The following EBF2 variants were observed in gnomAD, a reference collection of about 807,000 sequenced individuals.
EBF2 encodes transcription factor COE2.
A neutral mutation model predicts 72.8 loss-of-function variants in EBF2; 21 were observed. That is an observed-to-expected ratio of 0.29 (90% CI 0.20 to 0.42). The LOEUF is 0.42. EBF2 is among the 10% of genes least tolerant of loss of function. EBF2 has a pLI of 1.00. For synonymous variants in EBF2, 299 were observed against 274.2 expected, an observed-to-expected ratio of 1.09 and a Z score of -0.89; for missense variants, 637 against 731.2, an observed-to-expected ratio of 0.87 and a Z score of 1.49.
At chr8:25,942,450 T>C (rs572279343) in intron 6 of EBF2, among the ~76,000 whole-genome samples, 1 of 152,318 alleles carries the variant, frequency 6.6e-6, no homozygotes, top group Admixed American at 6.5e-5. Context: ...CCACCAGTAC[T>C]TGGGATTTTC....
intron 6 of EBF2, among the ~76,000 whole-genome samples, chr8:25,997,635 TA>T (rs1370113397): frequency 1.3e-5 from 2 of 151,346 alleles, no homozygotes; most frequent in African/African-American, 2.4e-5. Context: ...ACATGGAGTA[TA>T]ACAGAAAGAA....
chr8:25,989,333 C>G (rs1416520757), intron 6 of EBF2, among the ~76,000 whole-genome samples: 1 of 152,146 alleles, frequency 6.6e-6, no homozygotes, highest in African/African-American at 2.4e-5. Flanking sequence ...TTCACCATCT[C>G]CCATGTGACA....
chr8:25,914,710 CTTCT>C (rs1803182170), intron 6 of EBF2, among the ~76,000 whole-genome samples: 1 of 152,180 alleles, frequency 6.6e-6, no homozygotes, highest in Admixed American at 6.5e-5. Flanking sequence ...GACTTACTGG[CTTCT>C]TTAGGCTTAA....
chr8:26,022,951 G>C (rs1028394963), intron 6 of EBF2, among the ~76,000 whole-genome samples: 7 of 152,182 alleles, frequency 4.6e-5, no homozygotes, highest in Non-Finnish European at 8.8e-5. Flanking sequence ...CAGCAACAAA[G>C]AACAATTCTT....
chr8:25,976,282 G>A lies in EBF2; in HGVS notation c.551+56803C>T, dbSNP rs529192193. Among the ~76,000 whole-genome samples, 5 of 152,248 alleles carry A rather than the reference G, an allele frequency of 3.3e-5. No homozygotes were observed. In the South Asian group the frequency reaches 1.0e-3, roughly 32 times the overall value. On this transcript the variant is annotated intron_variant, in intron 6 of 15. Transcript: ENST00000520164. ...AGTCTTTTTCCATGTTCTTTCACAT[G>A]CTGTAATGGAGATCCGTAAAATTTT...
chr8:25,943,312 A>AAAAG (rs757397254), intron 6 of EBF2, among the ~76,000 whole-genome samples: 3 of 75,994 alleles, frequency 3.9e-5, no homozygotes, highest in Non-Finnish European at 5.4e-5. Context: ...GTCTCTACAC[A>AAAAG]AAAAAAAAAA....
At chr8:25,990,044 G>A (rs575166237) in intron 6 of EBF2, among the ~76,000 whole-genome samples, 1 of 152,252 alleles carries the variant, frequency 6.6e-6, no homozygotes, top group East Asian at 1.9e-4. Context: ...GGAAACCTGA[G>A]ATCAGGAAGC....
rs1157034461 is a variant in EBF2 at position 25,858,440 on chromosome 8, C to G, written c.1407G>C (p.Gln469His). ...TGTTGCTGGAGGTACTGTAATTAGACTGTTGAGGCGTGGAGCTGGAAGAGT... is the reference window on the plus strand; with the variant it reads ...TGTTGCTGGAGGTACTGTAATTAGAGTGTTGAGGCGTGGAGCTGGAAGAGT... ...RGYSSSSTPQ[Q>H]SNYSTSSNSM... Residue 469 changes from glutamine to histidine, a missense_variant, in exon 14 of 16, where the codon CAG becomes CAC. Transcript: ENST00000520164. 1 of 1,614,074 alleles carries G rather than the reference C, an allele frequency of 6.2e-7. No homozygotes were observed. The highest frequency in any genetic ancestry group is 2.2e-5 in the East Asian group (1 of 44,872).
intron 6 of EBF2, among the ~76,000 whole-genome samples, chr8:25,917,196 G>A (rs1381931774): frequency 9.8e-6 from 1 of 102,484 alleles, no homozygotes. Flanking sequence ...TTTGTGGTTT[G>A]GGGTTTTTTT....
chr8:25,917,742 C>A (rs549548562), intron 6 of EBF2, among the ~76,000 whole-genome samples: 1 of 152,104 alleles, frequency 6.6e-6, no homozygotes, highest in Non-Finnish European at 1.5e-5. Context: ...TTCCTCAGCA[C>A]CCCTTCCCCA....
At chr8:25,921,627 T>C (rs907671597) in intron 6 of EBF2, among the ~76,000 whole-genome samples, 4 of 152,190 alleles carry the variant, frequency 2.6e-5, no homozygotes, top group Admixed American at 2.0e-4. Flanking sequence ...GTACCAAAAA[T>C]GAAATCTTTC....
chr8:25,960,753 T>A (rs928897512), intron 6 of EBF2, among the ~76,000 whole-genome samples: 4 of 152,162 alleles, frequency 2.6e-5, no homozygotes, highest in African/African-American at 9.7e-5. Flanking sequence ...ATGGAGCTGT[T>A]GGGGTGGTCA....
At chr8:26,033,252 T>TGGG in intron 5 of EBF2, 99 bp from the exon 6 acceptor site, 13 of 1,180,132 alleles carry the variant, frequency 1.1e-5, no homozygotes, top group Non-Finnish European at 1.5e-5. Context: ...AGACAGAGTC[T>TGGG]GGCTCTGTCA....
At chr8:25,925,870 G>A (rs1360030482) in intron 6 of EBF2, among the ~76,000 whole-genome samples, 1 of 152,072 alleles carries the variant, frequency 6.6e-6, no homozygotes, top group Non-Finnish European at 1.5e-5. Context: ...TAGCCCGTGT[G>A]GGGGAATGCT....
chr8:25,941,198 C>T (rs1459527310), intron 6 of EBF2, among the ~76,000 whole-genome samples: 1 of 129,934 alleles, frequency 7.7e-6, no homozygotes, highest in East Asian at 2.3e-4. Context: ...AAAGTGATTG[C>T]TGCTCCCCCA....
intron 6 of EBF2, among the ~76,000 whole-genome samples, chr8:25,939,361 A>G (rs1419807651): frequency 2.0e-5 from 3 of 152,174 alleles, no homozygotes. Context: ...TTCCTGACAC[A>G]TCACTCTGGT....
At chr8:26,028,502 G>T (rs551467239) in intron 6 of EBF2, among the ~76,000 whole-genome samples, 2 of 152,248 alleles carry the variant, frequency 1.3e-5, no homozygotes, top group East Asian at 3.9e-4. Context: ...TTTTTATGGG[G>T]CTGACAAGGA....
chr8:25,850,389 C>T (rs974508573), intron 15 of EBF2, among the ~76,000 whole-genome samples: 1 of 152,234 alleles, frequency 6.6e-6, no homozygotes, highest in Non-Finnish European at 1.5e-5. Context: ...GCTGGGATTA[C>T]AGGCATGAGC....
intron 6 of EBF2, among the ~76,000 whole-genome samples, chr8:26,021,657 G>C (rs1275745183): frequency 6.6e-6 from 1 of 152,298 alleles, no homozygotes; most frequent in South Asian, 2.1e-4. Context: ...AAAAATGATT[G>C]TTTATCTGAA....
Sources: allele counts gnomAD v4.1 joint callset (sites outside exome capture counted in the v4.1 genomes callset), GRCh38; gene constraint gnomAD v4.1.1; transcripts MANE v1.5; gene names NCBI Gene and HGNC (gene_info 2026-07-23, HGNC 2026-07-21).